LDB3: variants seen among roughly 807,000 people sequenced by gnomAD.
LDB3 encodes LIM domain-binding protein 3.
A neutral mutation model predicts 69.0 loss-of-function variants in LDB3; 49 were observed. The ratio of observed to expected loss-of-function variants is 0.71; its 90% CI spans 0.56 to 0.90. The LOEUF (loss-of-function observed/expected upper bound fraction) is 0.90. Among genes scored for constraint, LDB3 ranks in the 40% least tolerant of loss-of-function variants. The probability of loss-of-function intolerance (pLI) is 0.00; values close to 1 mark genes in which losing one functional copy is unlikely to be tolerated. For missense variants in LDB3, 928 were observed against 974.1 expected, an observed-to-expected ratio of 0.95 and a Z score of 0.63; for synonymous variants, 387 against 396.2, an observed-to-expected ratio of 0.98 and a Z score of 0.28.
At chr10:86,688,797 T>C (rs933701670) in intron 5 of LDB3, among the ~76,000 whole-genome samples, 1 of 152,178 alleles carries the variant, frequency 6.6e-6, no homozygotes, top group Non-Finnish European at 1.5e-5. Context: ...AAAGAAATGC[T>C]CTTCACTAAC....
intron 5 of LDB3, among the ~76,000 whole-genome samples, chr10:86,684,231 G>A (rs779381828): frequency 1.3e-4 from 20 of 152,232 alleles, no homozygotes; most frequent in Non-Finnish European, 2.6e-4. Flanking sequence ...AAGGGCCCCT[G>A]GGCAGGTCTT....
intron 6 of LDB3, 125 bp from the exon 7 acceptor site, chr10:86,692,410 A>C (rs1845809416): frequency 1.0e-6 from 1 of 980,098 alleles, no homozygotes; most frequent in Admixed American, 1.7e-5. Context: ...CACAGTGGAC[A>C]GGCAAGGGGG....
chr10:86,718,840 C>T lies in LDB3; in HGVS notation c.1971C>T (p.Cys657=), dbSNP rs140552419. 3.9e-4 allele frequency: 632 copies of T among 1,614,044 alleles called. No individual in the cohort carries two copies. Among genetic ancestry groups the T allele is most frequent in the Non-Finnish European group, 5.0e-4 (592 of 1,180,008 alleles). Residue 657 remains cysteine (C), a synonymous_variant, in exon 12 of 14, where the codon TGC becomes TGT. Coordinates refer to ENST00000361373, the MANE Select transcript of LDB3 (RefSeq NM_007078.3). ...LFHMEDGEPY[C]EKDYINLFST... is the part of the protein sequence containing the mutation. ...ACATGGAAGACGGGGAGCCCTACTG[C>T]GAGAAAGGTAGGAACACTTCGATGG...
At chr10:86,719,374 G>C (rs1231293625) in intron 12 of LDB3, among the ~76,000 whole-genome samples, 1 of 148,912 alleles carries the variant, frequency 6.7e-6, no homozygotes, top group Non-Finnish European at 1.5e-5. Flanking sequence ...CTAGGCAACA[G>C]AGTAAGATCC....
chr10:86,721,246 T>G (rs56999074), intron 12 of LDB3, among the ~76,000 whole-genome samples: 1 of 152,216 alleles, frequency 6.6e-6, no homozygotes, highest in African/African-American at 2.4e-5. Context: ...TTATTTTCTG[T>G]TTTTTAAAAA....
At chr10:86,706,776 C>G in intron 8 of LDB3, 57 bp downstream of exon 8, 1 of 1,536,802 alleles carries the variant, frequency 6.5e-7, no homozygotes, top group Non-Finnish European at 8.8e-7. Flanking sequence ...GGAAACGCCC[C>G]ACTCTGGGTC....
chr10:86,731,454 A>T (rs555995687), intron 13 of LDB3, among the ~76,000 whole-genome samples: 8 of 151,822 alleles, frequency 5.3e-5, no homozygotes, highest in Non-Finnish European at 1.2e-4. Flanking sequence ...CAAACTCCTG[A>T]TCTCGTGGTC....
rs1278863205 is a variant in LDB3, at chr10:86,733,448, C to G, written c.*472C>G. 3 of 192,866 alleles carry G rather than the reference C, an allele frequency of 1.6e-5. No homozygotes were observed. Among genetic ancestry groups the G allele is most frequent in the African/African-American group, 7.1e-5 (3 of 42,104 alleles). The allele number at this position is 192,866 out of a possible 1,614,324, so 11.9% of individuals were successfully genotyped here. ...AGAGTCATAGCTGAGAGCTTGTTAG[C>G]TAAGACCCATTGGGCTTTCCTCACC... On this transcript the variant is annotated 3_prime_UTR_variant, in exon 14 of 14. Coordinates refer to ENST00000361373, the MANE Select transcript of LDB3 (RefSeq NM_007078.3).
rs753528663 is a variant in LDB3 at position 86,716,776 on chromosome 10, G to T, written c.1676+5G>T. On this transcript the variant is annotated splice_donor_5th_base_variant and intron_variant, in intron 10 of 13. Coordinates refer to ENST00000361373, the MANE Select transcript of LDB3 (RefSeq NM_007078.3). ...TCACTGCAACAATGTCATCCGGTAT[G>T]GTCCAGCTGTGCCCCTGCACTGGGG... is the stretch of plus-strand genomic sequence containing the variant. 5 of 1,601,778 alleles carry T rather than the reference G, an allele frequency of 3.1e-6. No individual in the cohort carries two copies. The South Asian group carries it at 4.5e-5, about 14-fold the overall frequency.
Position 86,673,042 on chromosome 10 carries a change from T to C in LDB3, c.93+4258T>C, listed in dbSNP as rs909429658. On this transcript the variant is annotated intron_variant, in intron 2 of 13. Coordinates refer to ENST00000361373, the MANE Select transcript of LDB3 (RefSeq NM_007078.3). ...TGACTGCAAAGACCCTCCTCTACAC[T>C]GAGCCCTCCCACCCCCAAACACAGC... is the stretch of plus-strand genomic sequence containing the variant. 5.3e-5 allele frequency among the ~76,000 whole-genome samples: 8 copies of C among 152,352 alleles called. No homozygotes were observed. In the East Asian group the frequency reaches 1.5e-3, roughly 29 times the overall value.
Position 86,687,403 on chromosome 10 carries a change from C to A in LDB3, c.690-4493C>A, listed in dbSNP as rs1589635369. The A allele has an allele frequency of 2.4e-5, 20 of 848,514 alleles. No individual in the cohort carries two copies. The East Asian group carries it at 5.2e-4, about 22-fold the overall frequency. 52.6% of individuals were successfully genotyped at this position (848,514 alleles called of 1,614,324 possible). A position where few individuals can be genotyped will look rare whatever the true frequency, so the allele number is the denominator to read the frequency against. On this transcript the variant is annotated intron_variant, in intron 5 of 13. Coordinates refer to ENST00000361373, the MANE Select transcript of LDB3 (RefSeq NM_007078.3). ...TGGAGGCATGGCCCTTGGAGGGGAG[C>A]CAGCCTTCACCAGGGCCTTCTGGAA...
At chr10:86,685,760 G>A (rs1263803616) in intron 5 of LDB3, 50 of 1,592,210 alleles carry the variant, frequency 3.1e-5, no homozygotes, top group South Asian at 5.5e-5. Flanking sequence ...ATGTGTCTGC[G>A]TGTGTCTGGC....
At chr10:86,727,195 T>C (rs368020173) in intron 13 of LDB3, among the ~76,000 whole-genome samples, 2 of 151,926 alleles carry the variant, frequency 1.3e-5, no homozygotes, top group East Asian at 3.9e-4. Context: ...TAATTTTGTG[T>C]ATTTTTAGTA....
chr10:86,689,308 C>T (rs1168294517), intron 5 of LDB3, among the ~76,000 whole-genome samples: 1 of 152,090 alleles, frequency 6.6e-6, no homozygotes, highest in African/African-American at 2.4e-5. Flanking sequence ...TCCAGTCATC[C>T]GTCTGTCTGG....
intron 2 of LDB3, among the ~76,000 whole-genome samples, chr10:86,673,684 C>A (rs1844611217): frequency 2.0e-5 from 3 of 152,118 alleles, no homozygotes; most frequent in Admixed American, 6.5e-5. Flanking sequence ...CACTTTGTCC[C>A]ACCTGCCCCA....
intron 2 of LDB3, among the ~76,000 whole-genome samples, chr10:86,677,128 G>T (rs1028141196): frequency 2.0e-5 from 3 of 152,236 alleles, no homozygotes; most frequent in African/African-American, 7.2e-5. Flanking sequence ...CTTGTAGGGG[G>T]TGGGGTCCGG....
chr10:86,700,864 C>T (rs1463576964), intron 7 of LDB3, among the ~76,000 whole-genome samples: 1 of 152,236 alleles, frequency 6.6e-6, no homozygotes, highest in African/African-American at 2.4e-5. Context: ...TGTGAAATCA[C>T]AGGCTGAGGA....
chr10:86,699,265 C>G lies in LDB3; in HGVS notation c.896+6694C>G, dbSNP rs747762937. On this transcript the variant is annotated intron_variant, in intron 7 of 13. Transcript: ENST00000361373. This position sits in a 1 kb window ranked among gnomAD's most constrained non-coding sequence, Gnocchi z 4.9. ...TCTCTCTCTCTCTCTCTCTCTCTCT[C>G]TCTGTGCCACAGGGAAAGGTTTGAA... The G allele has an allele frequency of 1.3e-5, 21 of 1,561,324 alleles. No homozygotes were observed. The highest frequency in any genetic ancestry group is 1.8e-5 in the Non-Finnish European group (21 of 1,142,104).
rs2132482506 is a variant in LDB3, at chr10:86,716,578, A to G, written c.1483A>G (p.Ser495Gly). Residue 495 changes from serine to glycine, a missense_variant, in exon 10 of 14, where the codon AGC becomes GGC. Coordinates refer to ENST00000361373, the MANE Select transcript of LDB3 (RefSeq NM_007078.3). ...ASRPPWVTDDSFSQKFAPGKS... is the reference protein window; with the variant it reads ...ASRPPWVTDDGFSQKFAPGKS... ...CCGTCCACCCTGGGTGACAGATGATAGCTTCTCCCAGAAGTTTGCCCCGGG... is the reference window on the plus strand; with the variant it reads ...CCGTCCACCCTGGGTGACAGATGATGGCTTCTCCCAGAAGTTTGCCCCGGG... The G allele has an allele frequency of 1.2e-6, 2 of 1,613,590 alleles. No individual in the cohort carries two copies. The highest frequency in any genetic ancestry group is 1.7e-5 in the Admixed American group (1 of 59,970).
Sources: allele counts gnomAD v4.1 joint callset (sites outside exome capture counted in the v4.1 genomes callset), GRCh38; gene constraint gnomAD v4.1.1; non-coding constraint Gnocchi (gnomAD v3.1); transcripts MANE v1.5; gene names NCBI Gene and HGNC (gene_info 2026-07-23, HGNC 2026-07-21).